The following ZNF704 variants were observed in gnomAD, a reference collection of about 807,000 sequenced individuals.
ZNF704 encodes the protein zinc finger protein 704, also known as glucocorticoid induced gene 1.
In ZNF704, 10 loss-of-function variants were observed where a neutral mutation model predicts 44.7. The ratio of observed to expected loss-of-function variants is 0.22; its 90% CI spans 0.14 to 0.38. The LOEUF (loss-of-function observed/expected upper bound fraction) is 0.38, where lower values mean the gene tolerates loss of function less well. ZNF704 is among the 10% of genes least tolerant of loss of function. The pLI is 1.00. For missense variants in ZNF704, 390 were observed against 545.5 expected (o/e 0.71, Z 2.84); for synonymous variants, 211 against 207.6 (o/e 1.02, Z -0.14).
At chr8:80,823,968 G>A (rs1005130230) in intron 1 of ZNF704, among the ~76,000 whole-genome samples, 7 of 152,110 alleles carry the variant, frequency 4.6e-5, no homozygotes, top group African/African-American at 1.7e-4. Context: ...ACAAAGGTGG[G>A]GAGAAACCAG....
At chr8:80,669,405 C>T (rs1818245256) in intron 5 of ZNF704, among the ~76,000 whole-genome samples, 1 of 152,222 alleles carries the variant, frequency 6.6e-6, no homozygotes, top group African/African-American at 2.4e-5. Context: ...GCCAGGGAAG[C>T]CTTACCAGGT....
At chr8:80,822,255 T>C (rs1001243372) in intron 1 of ZNF704, among the ~76,000 whole-genome samples, 1 of 151,268 alleles carries the variant, frequency 6.6e-6, no homozygotes, top group Non-Finnish European at 1.5e-5. Flanking sequence ...TATCTCCTAA[T>C]GCTATCCCTT....
Position 80,729,919 on chromosome 8 carries a change from C to T in ZNF704, c.222-36812G>A, listed in dbSNP as rs555742748. ...GAGCCAGGATCAAATTTCTGATCAG[C>T]CTTACTGCTGCGAATCACCTGGATG... On this transcript the variant is annotated intron_variant, in intron 2 of 8. Coordinates refer to ENST00000327835, the MANE Select transcript of ZNF704 (RefSeq NM_001033723.3). 2.8e-4 allele frequency among the ~76,000 whole-genome samples: 42 copies of T among 152,280 alleles called. 1 individual carries two copies. Among genetic ancestry groups the T allele is most frequent in the Admixed American group, 2.4e-3 (37 of 15,300 alleles).
chr8:80,840,156 A>G (rs1344216051), intron 1 of ZNF704, among the ~76,000 whole-genome samples: 1 of 152,230 alleles, frequency 6.6e-6, no homozygotes. Context: ...AAAGATCTGT[A>G]AAATCAGGAG....
Position 80,664,998 on chromosome 8 carries a change from G to A in ZNF704, c.744C>T (p.Asp248=), listed in dbSNP as rs368468965. ...AGACCGGGGCCAGGCTGCTCAGCCC[G>A]TCTGCCACTGAGTCTGTGTTGAGCT... is the stretch of plus-strand genomic sequence containing the variant. ...EIKLNTDSVA[D]GLSSLAPVSP... The change falls in exon 6 of 9, where the codon GAC becomes GAT. Residue 248 remains aspartate (D), a synonymous_variant. Transcript: ENST00000327835. 1.4e-4 allele frequency: 219 copies of A among 1,614,100 alleles called. No homozygotes were observed. The highest frequency in any genetic ancestry group is 1.7e-4 in the Non-Finnish European group (199 of 1,180,036).
At chr8:80,751,344 T>C (rs2131706290) in intron 2 of ZNF704, among the ~76,000 whole-genome samples, 1 of 152,306 alleles carries the variant, frequency 6.6e-6, no homozygotes, top group Middle Eastern at 3.4e-3. Flanking sequence ...GACTGGATCT[T>C]GGTTTCTAAC....
intron 1 of ZNF704, among the ~76,000 whole-genome samples, chr8:80,842,975 C>T (rs1274270432): frequency 2.6e-5 from 4 of 152,210 alleles, no homozygotes. Context: ...TCCCTGCTAA[C>T]ATCCTGCTTT....
chr8:80,738,489 C>T (rs542868315), intron 2 of ZNF704, among the ~76,000 whole-genome samples: 4 of 152,124 alleles, frequency 2.6e-5, no homozygotes, highest in African/African-American at 9.6e-5. Flanking sequence ...AAATATATGG[C>T]TTAAAAAAGT....
intron 2 of ZNF704, among the ~76,000 whole-genome samples, chr8:80,724,476 C>T (rs992124007): frequency 1.3e-5 from 2 of 152,172 alleles, no homozygotes; most frequent in Non-Finnish European, 2.9e-5. Flanking sequence ...TCCCAAGCCC[C>T]TGTCTATTTT....
chr8:80,808,507 T>A (rs1808028586), intron 2 of ZNF704, among the ~76,000 whole-genome samples: 2 of 152,208 alleles, frequency 1.3e-5, no homozygotes, highest in South Asian at 4.1e-4. Flanking sequence ...TTGTTAGGAA[T>A]GAGTCAAAAG....
chr8:80,638,375 C>T lies in ZNF704; in HGVS notation c.*2991G>A, dbSNP rs1483153441. 1 of 152,412 alleles carries T rather than the reference C, an allele frequency of 6.6e-6. No individual in the cohort carries two copies. The highest frequency in any genetic ancestry group is 1.5e-5 in the Non-Finnish European group (1 of 68,010). The allele number at this position is 152,412 out of a possible 1,614,324, so 9.4% of individuals were successfully genotyped here. ...GACCAGAATCCATTGTTTTGCATGC[C>T]TTTTGCGTAGATTGGCCTCTGAGCT... On this transcript the variant is annotated 3_prime_UTR_variant, in exon 9 of 9. Transcript: ENST00000327835.
At chr8:80,682,412 G>A (rs1818467862) in intron 4 of ZNF704, among the ~76,000 whole-genome samples, 1 of 152,212 alleles carries the variant, frequency 6.6e-6, no homozygotes. Flanking sequence ...TGAAATAAAT[G>A]GAAATGATGA....
intron 6 of ZNF704, among the ~76,000 whole-genome samples, chr8:80,664,258 A>C (rs1271174915): frequency 2.7e-5 from 4 of 149,092 alleles, no homozygotes; most frequent in Non-Finnish European, 4.4e-5. Flanking sequence ...CACCATGCCC[A>C]GATAACATTA....
chr8:80,867,469 G>A lies in ZNF704; in HGVS notation c.-22+7102C>T, dbSNP rs140001882. Among the ~76,000 whole-genome samples the A allele has an allele frequency of 2.4e-3, 365 of 152,042 alleles. 2 individuals are homozygous for A. Among genetic ancestry groups the A allele is most frequent in the African/African-American group, 7.9e-3 (328 of 41,482 alleles). On this transcript the variant is annotated intron_variant, in intron 1 of 8. Transcript: ENST00000327835. ...TTGGCAGACCAGGGCACAAATCATGGCAGCAGCAAACTTGCTAGCAGCCCC... is the reference window on the plus strand; with the variant it reads ...TTGGCAGACCAGGGCACAAATCATGACAGCAGCAAACTTGCTAGCAGCCCC...
At chr8:80,690,019 C>A (rs900406104) in intron 3 of ZNF704, among the ~76,000 whole-genome samples, 9 of 151,228 alleles carry the variant, frequency 6.0e-5, no homozygotes, top group Admixed American at 5.9e-4. Flanking sequence ...TTTCCAAAAA[C>A]TCATTGATGT....
intron 2 of ZNF704, among the ~76,000 whole-genome samples, chr8:80,722,008 A>G (rs898230479): frequency 2.5e-4 from 38 of 152,306 alleles, no homozygotes; most frequent in African/African-American, 8.9e-4. Context: ...AGGCAGAGGT[A>G]GAAGGATGGC....
intron 6 of ZNF704, among the ~76,000 whole-genome samples, chr8:80,664,426 C>T (rs1266766785): frequency 6.6e-6 from 1 of 152,088 alleles, no homozygotes; most frequent in African/African-American, 2.4e-5. Context: ...CATGTGCCAC[C>T]ACACCCAGCT....
chr8:80,727,537 C>T (rs776493360), intron 2 of ZNF704, among the ~76,000 whole-genome samples: 3 of 151,592 alleles, frequency 2.0e-5, no homozygotes, highest in Non-Finnish European at 4.4e-5. Context: ...AGTTCGCCTT[C>T]GGGTTTTAAA....
chr8:80,693,148 A>G (rs1174459403), intron 2 of ZNF704, 41 bp from the exon 3 acceptor site: 1 of 1,558,994 alleles, frequency 6.4e-7, no homozygotes, highest in African/African-American at 1.4e-5. Context: ...TTCACTCTGC[A>G]TCTGCTGTGG....
Sources: gnomAD v4.1 joint callset for allele counts (sites outside exome capture counted in the v4.1 genomes callset) on GRCh38, gnomAD v4.1.1 for gene constraint, MANE v1.5 for transcripts, NCBI Gene and HGNC (gene_info 2026-07-23, HGNC 2026-07-21) for gene names.